The following EPHA3 variants were observed in gnomAD, a reference collection of about 807,000 sequenced individuals.
EPHA3 encodes the protein EPH receptor A3.
In EPHA3, 42 loss-of-function variants were observed where a neutral mutation model predicts 107.1. The observed-to-expected ratio is 0.39, with a 90% confidence interval of 0.31 to 0.51. EPHA3 has a LOEUF of 0.51. EPHA3 is among the 20% of genes least tolerant of loss of function. The probability of loss-of-function intolerance (pLI) is 0.78; values close to 1 mark genes in which losing one functional copy is unlikely to be tolerated. For synonymous variants in EPHA3, 461 were observed against 424.8 expected (o/e 1.09, Z -1.05); for missense variants, 1,183 against 1,211.2 (o/e 0.98, Z 0.35).
intron 2 of EPHA3, among the ~76,000 whole-genome samples, chr3:89,142,676 C>A (rs1481270627): frequency 3.3e-5 from 5 of 151,376 alleles, no homozygotes; most frequent in Non-Finnish European, 7.4e-5. Context: ...GGATATCTCT[C>A]ATCAAATACT....
chr3:89,243,268 G>A (rs560310022), intron 3 of EPHA3, among the ~76,000 whole-genome samples: 20 of 152,122 alleles, frequency 1.3e-4, no homozygotes, highest in South Asian at 6.2e-4. Flanking sequence ...GGGTATATAC[G>A]CAGTAATGGG....
At chr3:89,234,615 A>T (rs1704709125) in intron 3 of EPHA3, among the ~76,000 whole-genome samples, 4 of 152,086 alleles carry the variant, frequency 2.6e-5, no homozygotes. Flanking sequence ...GAGTTAGGAG[A>T]TTATGAGGCT....
chr3:89,382,887 A>G (rs961424027), intron 5 of EPHA3, among the ~76,000 whole-genome samples: 6 of 152,298 alleles, frequency 3.9e-5, no homozygotes, highest in African/African-American at 7.2e-5. Context: ...TGAAGAATTG[A>G]CTAGCCCTAG....
intron 5 of EPHA3, among the ~76,000 whole-genome samples, chr3:89,353,386 G>C (rs1287430422): frequency 6.6e-6 from 1 of 151,318 alleles, no homozygotes; most frequent in African/African-American, 2.4e-5. Context: ...CTTTAGTAAT[G>C]TTCTATGATG....
chr3:89,320,208 TG>T (rs1207781476), intron 3 of EPHA3, among the ~76,000 whole-genome samples: 2 of 151,834 alleles, frequency 1.3e-5, no homozygotes, highest in East Asian at 1.9e-4. Flanking sequence ...AATAAAATAA[TG>T]GGGGAAACCA....
At chr3:89,445,276 G>C (rs141847253) in intron 13 of EPHA3, among the ~76,000 whole-genome samples, 2 of 152,078 alleles carry the variant, frequency 1.3e-5, no homozygotes, top group African/African-American at 4.8e-5. Flanking sequence ...CACTAAAATT[G>C]GGCAAAGCAA....
chr3:89,125,175 G>C (rs191201638), intron 1 of EPHA3, among the ~76,000 whole-genome samples: 1 of 151,714 alleles, frequency 6.6e-6, no homozygotes, highest in Admixed American at 6.6e-5. Context: ...TTAGTAATGT[G>C]CAATTACTAC....
chr3:89,415,462 G>A (rs1367954216), intron 10 of EPHA3, among the ~76,000 whole-genome samples: 4 of 94,620 alleles, frequency 4.2e-5, no homozygotes, highest in African/African-American at 1.8e-4. Flanking sequence ...TAAATTTACA[G>A]AAAGAATATA....
intron 5 of EPHA3, among the ~76,000 whole-genome samples, chr3:89,356,555 T>C (rs1339543834): frequency 6.6e-6 from 1 of 151,324 alleles, no homozygotes; most frequent in Non-Finnish European, 1.5e-5. Flanking sequence ...ATACATTTCT[T>C]TGGTGTGATT....
intron 3 of EPHA3, among the ~76,000 whole-genome samples, chr3:89,277,785 G>A (rs1440750891): frequency 2.0e-5 from 3 of 152,008 alleles, no homozygotes; most frequent in African/African-American, 7.2e-5. Context: ...TCCCATTTAT[G>A]AAAATTCCCT....
intron 11 of EPHA3, among the ~76,000 whole-genome samples, chr3:89,422,281 G>A (rs894199312): frequency 1.4e-5 from 2 of 147,242 alleles, no homozygotes; most frequent in African/African-American, 5.0e-5. Flanking sequence ...TGCTATTATT[G>A]TCTTTGTTTC....
At chr3:89,366,899 T>G (rs963392507) in intron 5 of EPHA3, among the ~76,000 whole-genome samples, 3 of 150,848 alleles carry the variant, frequency 2.0e-5, no homozygotes, top group African/African-American at 7.3e-5. Flanking sequence ...TTTTTAAAAA[T>G]TCTATCAAAT....
In EPHA3 at chr3:89,415,686, C is replaced by T. The variant is rs754012647; in HGVS notation, c.1888+2420C>T. On this transcript the variant is annotated intron_variant, in intron 10 of 16. Transcript: ENST00000336596. ...TTCATGACTACAATTCCTAATTTTACTCCTCAATCCAACCATTCTTTCAAC... is the reference window on the plus strand; with the variant it reads ...TTCATGACTACAATTCCTAATTTTATTCCTCAATCCAACCATTCTTTCAAC... Among the ~76,000 whole-genome samples, 133 of 151,160 alleles carry T rather than the reference C, an allele frequency of 8.8e-4. 1 individual carries two copies. Among genetic ancestry groups the T allele is most frequent in the Non-Finnish European group, 1.2e-3 (81 of 67,448 alleles).
chr3:89,394,308 G>A (rs897440362), intron 5 of EPHA3, among the ~76,000 whole-genome samples: 1 of 152,160 alleles, frequency 6.6e-6, no homozygotes, highest in East Asian at 1.9e-4. Context: ...CAGTAGGATT[G>A]CTTTAGCCTG....
At chr3:89,375,772 A>C (rs1004389349) in intron 5 of EPHA3, among the ~76,000 whole-genome samples, 15 of 151,938 alleles carry the variant, frequency 9.9e-5, no homozygotes, top group African/African-American at 3.6e-4. Flanking sequence ...TATTGTACAG[A>C]CACAAACAAA....
intron 15 of EPHA3, among the ~76,000 whole-genome samples, chr3:89,455,604 G>A (rs761813063): frequency 3.1e-4 from 47 of 152,182 alleles, no homozygotes; most frequent in Non-Finnish European, 6.3e-4. Flanking sequence ...AAAGTATGAG[G>A]AGGTGGGGGT....
intron 15 of EPHA3, among the ~76,000 whole-genome samples, chr3:89,453,642 C>T (rs535148050): frequency 6.6e-6 from 1 of 152,216 alleles, no homozygotes; most frequent in Admixed American, 6.5e-5. Context: ...TTTTAACAAC[C>T]TCACATTACT....
chr3:89,228,401 A>G (rs770842525), intron 3 of EPHA3, among the ~76,000 whole-genome samples: 23 of 151,956 alleles, frequency 1.5e-4, no homozygotes, highest in African/African-American at 4.8e-5. Flanking sequence ...TACAGGGCTG[A>G]TAAATATAGT....
At position 89,368,701 on chromosome 3, in the gene EPHA3, C is replaced by T. The variant is rs1205132773; in HGVS notation, c.1306+26611C>T. 2.0e-5 allele frequency among the ~76,000 whole-genome samples: 3 copies of T among 150,272 alleles called. No homozygotes were observed. The East Asian group carries it at 5.9e-4, about 29-fold the overall frequency. On this transcript the variant is annotated intron_variant, in intron 5 of 16. Coordinates refer to ENST00000336596, the MANE Select transcript of EPHA3 (RefSeq NM_005233.6). The stretch of plus-strand genomic sequence containing the variant: ...TGCCCTCTGCCTTGTTCTATTTAGG[C>T]CTTCAATGGGTTGGATGATGCCCAC...
Sources: allele counts gnomAD v4.1 joint callset (sites outside exome capture counted in the v4.1 genomes callset), GRCh38; gene constraint gnomAD v4.1.1; transcripts MANE v1.5; gene names NCBI Gene and HGNC (gene_info 2026-07-23, HGNC 2026-07-21).